WHRN: variants seen among roughly 807,000 people sequenced by gnomAD.
WHRN encodes CASK-interacting protein CIP98.
Under a neutral mutation model 68.3 loss-of-function variants are expected in WHRN, and 41 were observed. That is an observed-to-expected ratio of 0.60 (90% CI 0.47 to 0.78). The LOEUF is 0.78. WHRN is among the 30% of genes least tolerant of loss of function. The pLI is 0.00. For missense variants in WHRN, 1,243 were observed against 1,244.7 expected, an observed-to-expected ratio of 1.00 and a Z score of 0.02; for synonymous variants, 560 against 561.3, an observed-to-expected ratio of 1.00 and a Z score of 0.03.
At chr9:114,464,806 T>C (rs1268555491) in intron 3 of WHRN, among the ~76,000 whole-genome samples, 1 of 143,510 alleles carries the variant, frequency 7.0e-6, no homozygotes, top group African/African-American at 2.6e-5. Flanking sequence ...ATGTTAATGA[T>C]TATGTCCATA....
chr9:114,437,343 G>A (rs892930436), intron 3 of WHRN, among the ~76,000 whole-genome samples: 2 of 152,056 alleles, frequency 1.3e-5, no homozygotes, highest in African/African-American at 4.8e-5. Context: ...TGGGCATAAG[G>A]AAACATGTAA....
intron 3 of WHRN, among the ~76,000 whole-genome samples, chr9:114,448,075 C>A (rs1419761442): frequency 6.6e-6 from 1 of 152,134 alleles, no homozygotes; most frequent in Non-Finnish European, 1.5e-5. Context: ...AAAATATGTC[C>A]AAGTTCTAGC....
rs182583027 is a variant in WHRN at position 114,473,662 on chromosome 9, G to A, written c.837+4891C>T. Among the ~76,000 whole-genome samples, 278 of 152,306 alleles carry A rather than the reference G, an allele frequency of 1.8e-3. 1 individual carries two copies. Among genetic ancestry groups the A allele is most frequent in the Non-Finnish European group, 3.4e-3 (232 of 68,026 alleles). ...TGGGAAGCTGTGCTTCTATCACTCT[G>A]GATACTGGTTCATTGCCACATTAAC... On this transcript the variant is annotated intron_variant, in intron 2 of 11. Coordinates refer to ENST00000362057, the MANE Select transcript of WHRN (RefSeq NM_015404.4).
Position 114,423,537 on chromosome 9 carries a change from C to A in WHRN, c.1417-14G>T. The A allele has an allele frequency of 6.3e-7, 1 of 1,599,012 alleles. No individual in the cohort carries two copies. The highest frequency in any genetic ancestry group is 8.6e-7 in the Non-Finnish European group (1 of 1,169,498). ...GAGGAGTGAGAACTGGAGGCGGGGA[C>A]AAAAGGGGCACTCAGCAGGGAGCGC... On this transcript the variant is annotated splice_polypyrimidine_tract_variant and intron_variant, in intron 6 of 11. Transcript: ENST00000362057.
chr9:114,478,768 G>C lies in WHRN; in HGVS notation c.622C>G (p.Leu208Val). The stretch of plus-strand genomic sequence containing the variant: ...AGCACCAGCTTCTTGGAGCCCTTCA[G>C]AGCCTAGGGAGAGAGGGATACAAAG... ...RVTHAEAVKALKGSKKLVLSV... is the reference protein window; with the variant it reads ...RVTHAEAVKAVKGSKKLVLSV... The change falls in exon 2 of 12, where the codon CTG becomes GTG. Residue 208 changes from leucine to valine, a missense_variant. Coordinates refer to ENST00000362057, the MANE Select transcript of WHRN (RefSeq NM_015404.4). 6.2e-7 allele frequency: 1 copy of C among 1,610,724 alleles called. No homozygotes were observed.
At chr9:114,428,425 G>A (rs907657247) in intron 3 of WHRN, among the ~76,000 whole-genome samples, 1 of 152,148 alleles carries the variant, frequency 6.6e-6, no homozygotes, top group East Asian at 1.9e-4. Context: ...CATTACACCA[G>A]CCTTCTTTGT....
At chr9:114,457,886 A>AG (rs955287797) in intron 3 of WHRN, among the ~76,000 whole-genome samples, 1 of 149,034 alleles carries the variant, frequency 6.7e-6, no homozygotes, top group African/African-American at 2.5e-5. Flanking sequence ...GCTGCACTCC[A>AG]GCCTGGGCAA....
chr9:114,490,107 A>T (rs1486243148), intron 1 of WHRN, among the ~76,000 whole-genome samples: 2 of 152,272 alleles, frequency 1.3e-5, no homozygotes, highest in Non-Finnish European at 2.9e-5. Context: ...GACACGGTCC[A>T]TCTGCTCCGG....
chr9:114,476,271 C>T (rs775399001), intron 2 of WHRN, among the ~76,000 whole-genome samples: 1 of 152,128 alleles, frequency 6.6e-6, no homozygotes, highest in Non-Finnish European at 1.5e-5. Context: ...CCCAGCCCCA[C>T]ATTCTTATAT....
chr9:114,483,716 C>G (rs1229721060), intron 1 of WHRN, among the ~76,000 whole-genome samples: 2 of 152,178 alleles, frequency 1.3e-5, no homozygotes, highest in Non-Finnish European at 2.9e-5. Context: ...TGGTGGGTGT[C>G]CTAGGGTTAC....
rs1350384862 is a variant in WHRN, at chr9:114,478,155, G to A, written c.837+398C>T. 2.6e-5 allele frequency among the ~76,000 whole-genome samples: 4 copies of A among 151,976 alleles called. No individual in the cohort carries two copies. The East Asian group carries it at 7.7e-4, about 29-fold the overall frequency. On this transcript the variant is annotated intron_variant, in intron 2 of 11. Coordinates refer to ENST00000362057, the MANE Select transcript of WHRN (RefSeq NM_015404.4). ...TCACAGTATTCAGCCAGGCATGGTG[G>A]TGCACGCCTGTAATCCCAGCTACTC...
rs1355386800 is a variant in WHRN at position 114,504,227 on chromosome 9, T to C, written c.575A>G (p.Asn192Ser). Reference protein sequence around the residue: ...LRVGDQILRVNDKSLARVTHA... With the variant: ...LRVGDQILRVSDKSLARVTHA... ...GGTCACCCGGGCCAGGGATTTGTCGTTGACGCGCAGAATCTGGTCCCCGAC... is the reference window on the plus strand; with the variant it reads ...GGTCACCCGGGCCAGGGATTTGTCGCTGACGCGCAGAATCTGGTCCCCGAC... The change falls in exon 1 of 12, where the codon AAC becomes AGC. Residue 192 changes from asparagine (N) to serine (S), a missense_variant. Physicochemically the swap from Asn to Ser is conservative, Grantham distance 46 (BLOSUM62 1). Coordinates refer to ENST00000362057, the MANE Select transcript of WHRN (RefSeq NM_015404.4). 4 of 1,614,056 alleles carry C rather than the reference T, an allele frequency of 2.5e-6. No homozygotes were observed. Among genetic ancestry groups the C allele is most frequent in the Admixed American group, 1.7e-5 (1 of 60,008 alleles).
intron 3 of WHRN, among the ~76,000 whole-genome samples, chr9:114,439,937 C>T (rs1268135316): frequency 1.3e-5 from 2 of 152,154 alleles, no homozygotes; most frequent in African/African-American, 2.4e-5. Flanking sequence ...TTTATTGAGA[C>T]GGAGTCTCTC....
chr9:114,418,942 G>A (rs933374009), intron 7 of WHRN, among the ~76,000 whole-genome samples: 3 of 152,196 alleles, frequency 2.0e-5, no homozygotes, highest in Non-Finnish European at 2.9e-5. Context: ...TTTCTTTGGT[G>A]TTCACCACTG....
intron 3 of WHRN, among the ~76,000 whole-genome samples, chr9:114,462,014 C>G (rs1486685813): frequency 6.6e-6 from 1 of 152,150 alleles, no homozygotes; most frequent in Non-Finnish European, 1.5e-5. Flanking sequence ...AAGGGAGAGC[C>G]ACAAACACGT....
rs748878766 is a variant in WHRN, at chr9:114,466,344, C to T, written c.886G>A (p.Gly296Arg). 6.2e-7 allele frequency: 1 copy of T among 1,614,160 alleles called. No homozygotes were observed. Among genetic ancestry groups the T allele is most frequent in the African/African-American group, 1.3e-5 (1 of 75,066 alleles). The change falls in exon 3 of 12, where the codon GGG becomes AGG. Residue 296 changes from glycine to arginine, a missense_variant. Physicochemically the swap from Gly to Arg is moderately radical, Grantham distance 125. Transcript: ENST00000362057. ...DGRSLGLTIRGGAEYGLGIYI... is the reference protein window; with the variant it reads ...DGRSLGLTIRRGAEYGLGIYI... ...ATGCCAAGGCCGTACTCAGCTCCCC[C>T]ACGGATCGTGAGGCCCAGGGACCGG...
chr9:114,486,901 TG>T (rs1564216949), intron 1 of WHRN, among the ~76,000 whole-genome samples: 6 of 78,318 alleles, frequency 7.7e-5, no homozygotes, highest in African/African-American at 2.2e-4. Context: ...TGTGTGTGTG[TG>T]TGTAGAGTGT....
intron 3 of WHRN, among the ~76,000 whole-genome samples, chr9:114,455,187 T>C (rs892686840): frequency 2.0e-5 from 3 of 150,940 alleles, no homozygotes; most frequent in Admixed American, 6.6e-5. Context: ...TTTATTAAAA[T>C]GAAAAATTCT....
intron 3 of WHRN, among the ~76,000 whole-genome samples, chr9:114,444,805 T>C (rs983448374): frequency 3.3e-5 from 5 of 151,864 alleles, no homozygotes; most frequent in African/African-American, 9.7e-5. Flanking sequence ...AATATATATA[T>C]ATATGCACAC....
Sources: allele counts gnomAD v4.1 joint callset (sites outside exome capture counted in the v4.1 genomes callset), GRCh38; gene constraint gnomAD v4.1.1; transcripts MANE v1.5; gene names NCBI Gene and HGNC (gene_info 2026-07-23, HGNC 2026-07-21).